The following AHSG variants were observed in gnomAD, a reference collection of about 807,000 sequenced individuals.
AHSG encodes alpha-2-HS-glycoprotein.
In AHSG, 23 loss-of-function variants were observed where a neutral mutation model predicts 30.1. The ratio of observed to expected loss-of-function variants is 0.76; its 90% CI spans 0.55 to 1.08. AHSG has a LOEUF of 1.08. Ranked by LOEUF, AHSG falls within the 50% of genes least tolerant of loss-of-function variation. AHSG has a pLI of 0.00. For missense variants in AHSG, 469 were observed against 459.5 expected (o/e 1.02, Z -0.19); for synonymous variants, 164 against 186.3 (o/e 0.88, Z 0.98).
At chr3:186,619,026 A>T (rs1579015487) in intron 5 of AHSG, among the ~76,000 whole-genome samples, 1 of 152,314 alleles carries the variant, frequency 6.6e-6, no homozygotes, top group Non-Finnish European at 1.5e-5. Flanking sequence ...GCCAGGCATG[A>T]TGGCTCATGC....
At chr3:186,615,641 T>G (rs765961355) in intron 1 of AHSG, 44 bp from the exon 2 acceptor site, 2 of 1,533,736 alleles carry the variant, frequency 1.3e-6, no homozygotes, top group East Asian at 4.5e-5. Flanking sequence ...CACCACAGGA[T>G]CAGGGGAATA....
At chr3:186,617,051 T>C (rs1716324749) in intron 3 of AHSG, 136 bp from the exon 4 acceptor site, 1 of 1,493,820 alleles carries the variant, frequency 6.7e-7, no homozygotes, top group Non-Finnish European at 8.9e-7. Flanking sequence ...AGCAAAAGCC[T>C]TTTGAAGGTT....
intron 1 of AHSG, 121 bp downstream of exon 1, chr3:186,613,475 T>C: frequency 1.0e-6 from 1 of 963,338 alleles, no homozygotes; most frequent in Non-Finnish European, 1.5e-6. Context: ...CTCTGATTTC[T>C]TCCCAGGAGT....
At chr3:186,616,215 A>C (rs2070632) in intron 2 of AHSG, among the ~76,000 whole-genome samples, 116,892 of 152,120 alleles carry the variant, frequency 0.77, 45,094 homozygotes, top group Middle Eastern at 0.92. Flanking sequence ...TAATAATAAT[A>C]ATCATCATCA....
At chr3:186,617,470 G>A in intron 4 of AHSG, 120 bp downstream of exon 4, 1 of 1,555,466 alleles carries the variant, frequency 6.4e-7, no homozygotes, top group Non-Finnish European at 8.8e-7. Context: ...AGAAAGCAAG[G>A]AGAGGGTTGT....
chr3:186,617,479 G>T, intron 4 of AHSG, 129 bp downstream of exon 4: 2 of 1,523,832 alleles, frequency 1.3e-6, no homozygotes, highest in Middle Eastern at 3.4e-4. Context: ...GGAGAGGGTT[G>T]TTTGGAAAGG....
Position 186,618,752 on chromosome 3 carries a change from C to G in AHSG, c.675+115C>G. ...CAGACAGAGAATAACAGTGCAAATC[C>G]CCTCTCCCTGTGGATCACGGCAAGC... On this transcript the variant is annotated intron_variant, in intron 5 of 6. Transcript: ENST00000411641. 7 of 1,473,378 alleles carry G rather than the reference C, an allele frequency of 4.8e-6. No homozygotes were observed. The South Asian group carries it at 7.9e-5, about 17-fold the overall frequency. The allele number at this position is 1,473,378 out of a possible 1,614,324, so 91.3% of individuals were successfully genotyped here. A position where few individuals can be genotyped will look rare whatever the true frequency, so the allele number is the denominator to read the frequency against.
intron 2 of AHSG, 51 bp downstream of exon 2, chr3:186,615,846 C>A (rs765110845): frequency 3.3e-6 from 5 of 1,505,452 alleles, no homozygotes; most frequent in South Asian, 2.3e-5. Context: ...CCAGCTCCAC[C>A]GATTCACCCA....
At chr3:186,615,287 C>G (rs1716262724) in intron 1 of AHSG, among the ~76,000 whole-genome samples, 1 of 152,172 alleles carries the variant, frequency 6.6e-6, no homozygotes, top group Non-Finnish European at 1.5e-5. Flanking sequence ...AAAATCCAAA[C>G]TTGCATTTTC....
rs149506135 is a variant in AHSG, at chr3:186,618,770, C to A, written c.675+133C>A. 66 of 1,430,042 alleles carry A rather than the reference C, an allele frequency of 4.6e-5. No individual in the cohort carries two copies. The African/African-American group carries it at 8.3e-4, about 18-fold the overall frequency. The allele number at this position is 1,430,042 out of a possible 1,614,324, so 88.6% of individuals were successfully genotyped here. ...GCAAATCCCCTCTCCCTGTGGATCA[C>A]GGCAAGCCTTCTTTTAGGGTGTCAC... On this transcript the variant is annotated intron_variant, in intron 5 of 6. Transcript: ENST00000411641.
chr3:186,613,868 C>T (rs1434135146), intron 1 of AHSG, among the ~76,000 whole-genome samples: 1 of 152,028 alleles, frequency 6.6e-6, no homozygotes, highest in African/African-American at 2.4e-5. Flanking sequence ...TCTTGTCTTA[C>T]CCAAGAGGAG....
Position 186,618,391 on chromosome 3 carries a change from A to G in AHSG, c.574-145A>G, listed in dbSNP as rs532314765. 2.0e-5 allele frequency: 27 copies of G among 1,344,868 alleles called. No individual in the cohort carries two copies. In the African/African-American group the frequency reaches 3.3e-4, roughly 17 times the overall value. 83.3% of individuals were successfully genotyped at this position (1,344,868 alleles called of 1,614,324 possible). ...CAACCCCATAGCAACTGCCCTATGT[A>G]AGCCATTGAGGGACATGTCTTCTGG... On this transcript the variant is annotated intron_variant, in intron 4 of 6. Coordinates refer to ENST00000411641, the MANE Select transcript of AHSG (RefSeq NM_001622.4).
Position 186,620,566 on chromosome 3 carries a change from G to A in AHSG, c.760-20G>A, listed in dbSNP as rs1317119674. On this transcript the variant is annotated intron_variant, in intron 6 of 6. Transcript: ENST00000411641. ...GGGAGGAGGAAGCAAACTAACTGAA[G>A]GAAATGGTCCTTTTTCCAGCCCGTG... The A allele has an allele frequency of 6.4e-7, 1 of 1,570,766 alleles. No individual in the cohort carries two copies. Among genetic ancestry groups the A allele is most frequent in the East Asian group, 2.3e-5 (1 of 44,188 alleles).
At position 186,620,511 on chromosome 3, in the gene AHSG, T is replaced by TG. The variant is rs1716447456; in HGVS notation, c.760-74dup. 2.9e-5 allele frequency: 38 copies of TG among 1,315,442 alleles called. No individual in the cohort carries two copies. The South Asian group carries it at 4.8e-4, about 16-fold the overall frequency. 81.5% of individuals were successfully genotyped at this position (1,315,442 alleles called of 1,614,324 possible). Reference sequence around the variant, plus strand: ...ATAATGTGAGGAAATTGGGTGCCAGTGCCACCTGGGCCTGTGGGTTGTCTT... The same window carrying TG: ...ATAATGTGAGGAAATTGGGTGCCAGTGGCCACCTGGGCCTGTGGGTTGTCTT... On this transcript the variant is annotated intron_variant, in intron 6 of 6. Transcript: ENST00000411641.
rs757121797 is a variant in AHSG at position 186,615,694 on chromosome 3, G to A, written c.223G>A (p.Gly75Arg). 46 of 1,613,978 alleles carry A rather than the reference G, an allele frequency of 2.9e-5. No individual in the cohort carries two copies. Among genetic ancestry groups the A allele is most frequent in the South Asian group, 8.8e-5 (8 of 91,080 alleles). ...EVKVWPQQPS[G>R]ELFEIEIDTL... ...CTCTTTGTCTCCACAGCAGCCCTCC[G>A]GAGAGCTGTTTGAGATTGAAATAGA... The change falls in exon 2 of 7, where the codon GGA (glycine) becomes AGA (arginine). Residue 75 changes from glycine (G) to arginine (R), a missense_variant. Physicochemically the swap from Gly to Arg is moderately radical, Grantham distance 125. Coordinates refer to ENST00000411641, the MANE Select transcript of AHSG (RefSeq NM_001622.4).
In AHSG at chr3:186,620,651, A is replaced by G; in HGVS notation, c.825A>G (p.Pro275=). 1 of 1,614,048 alleles carries G rather than the reference A, an allele frequency of 6.2e-7. No individual in the cohort carries two copies. The highest frequency in any genetic ancestry group is 8.5e-7 in the Non-Finnish European group (1 of 1,179,972). ...CAGTCCCCACACCCGTGGTGGACCC[A>G]GATGCACCTCCGTCCCCTCCACTTG... ...NEAVPTPVVD[P]DAPPSPPLGA... The change falls in exon 7 of 7, where the codon CCA becomes CCG. Residue 275 remains proline (P), a synonymous_variant. Coordinates refer to ENST00000411641, the MANE Select transcript of AHSG (RefSeq NM_001622.4).
At chr3:186,617,968 T>C (rs1716361116) in intron 4 of AHSG, 1 of 162,372 alleles carries the variant, frequency 6.2e-6, no homozygotes, top group African/African-American at 2.4e-5. Context: ...TATGTGATTC[T>C]CAGAACATCC....
At chr3:186,618,720 G>C (rs992353945) in intron 5 of AHSG, 83 bp downstream of exon 5, 36 of 1,543,842 alleles carry the variant, frequency 2.3e-5, no homozygotes, top group Non-Finnish European at 2.6e-5. Context: ...TTTGTATCTT[G>C]GGGCTGCAGA....
intron 1 of AHSG, among the ~76,000 whole-genome samples, chr3:186,614,301 T>A (rs1455346835): frequency 6.6e-6 from 1 of 152,144 alleles, no homozygotes; most frequent in Admixed American, 6.5e-5. Context: ...GATATTAGGT[T>A]GAACCATATA....
Sources: allele counts gnomAD v4.1 joint callset (sites outside exome capture counted in the v4.1 genomes callset), GRCh38; gene constraint gnomAD v4.1.1; transcripts MANE v1.5; gene names NCBI Gene and HGNC (gene_info 2026-07-23, HGNC 2026-07-21).